The following HMGCS2 variants were observed in gnomAD, a reference collection of about 807,000 sequenced individuals.
The protein encoded by HMGCS2 is 3-hydroxy-3-methylglutaryl-CoA synthase 2, also known as hydroxymethylglutaryl-CoA synthase, mitochondrial.
Under a neutral mutation model 57.4 loss-of-function variants are expected in HMGCS2, and 50 were observed. The ratio of observed to expected loss-of-function variants is 0.87; its 90% confidence interval spans 0.69 to 1.10. The LOEUF is 1.10. Ranked by LOEUF, HMGCS2 falls within the 50% of genes least tolerant of loss-of-function variation. HMGCS2 has a pLI of 0.00. For synonymous variants in HMGCS2, 254 were observed against 245.1 expected (o/e 1.04, Z -0.34); for missense variants, 627 against 636.5 (o/e 0.99, Z 0.16).
intron 1 of HMGCS2, among the ~76,000 whole-genome samples, 174 bp from the exon 2 acceptor site, chr1:119,764,800 T>C (rs1286390926): frequency 6.6e-6 from 1 of 152,248 alleles, no homozygotes; most frequent in African/African-American, 2.4e-5. Flanking sequence ...TCTATACTTA[T>C]TAAATATCCC....
intron 1 of HMGCS2, among the ~76,000 whole-genome samples, chr1:119,764,836 A>G (rs1406200911): frequency 6.6e-6 from 1 of 152,172 alleles, no homozygotes; most frequent in African/African-American, 2.4e-5. Context: ...TATTCTTGGC[A>G]TAAAGTTTCC....
At chr1:119,752,779 G>A (rs1047319313) in intron 7 of HMGCS2, 105 bp from the exon 8 acceptor site, 71 of 1,294,308 alleles carry the variant, frequency 5.5e-5, no homozygotes, top group Non-Finnish European at 7.5e-5. Flanking sequence ...TTACACCCTG[G>A]AGGAACGTGT....
chr1:119,757,544 C>T, intron 4 of HMGCS2, 106 bp from the exon 5 acceptor site: 1 of 1,574,870 alleles, frequency 6.3e-7, no homozygotes. Flanking sequence ...TCCCAGGGAA[C>T]TACTTCCCAC....
chr1:119,764,618 G>A lies in HMGCS2; in HGVS notation c.113C>T (p.Thr38Ile), dbSNP rs1282393883. The change falls in exon 2 of 10, where the codon ACA becomes ATA. Residue 38 changes from threonine to isoleucine, a missense_variant. Thr to Ile is a moderately conservative substitution (Grantham distance 89, BLOSUM62 -1). Transcript: ENST00000369406. ...TTTGGCCAGGGGGACAGCAGAGGCT[G>A]TAGAAAACCTGTGATGGAGATAACA... ...LLPVAHQRFS[T>I]ASAVPLAKTD... 1.9e-6 allele frequency: 3 copies of A among 1,612,824 alleles called. No homozygotes were observed. Among genetic ancestry groups the A allele is most frequent in the South Asian group, 2.2e-5 (2 of 90,904 alleles).
Position 119,748,252 on chromosome 1 carries a change from AT to A in HMGCS2, c.*594del, listed in dbSNP as rs1652524162. The A allele has an allele frequency of 6.6e-6, 1 of 152,196 alleles. No homozygotes were observed. Among genetic ancestry groups the A allele is most frequent in the African/African-American group, 2.4e-5 (1 of 41,438 alleles). 9.4% of individuals were successfully genotyped at this position (152,196 alleles called of 1,614,324 possible). A position where few individuals can be genotyped will look rare whatever the true frequency, so the allele number is the denominator to read the frequency against. On this transcript the variant is annotated 3_prime_UTR_variant, in exon 10 of 10. Transcript: ENST00000369406. ...GCACTTGGCATGTGGCAGAAATAGAATGGAATTGCAAGGGGACAGAGGCAGC... is the reference window on the plus strand; with the variant it reads ...GCACTTGGCATGTGGCAGAAATAGAAGGAATTGCAAGGGGACAGAGGCAGC...
At chr1:119,757,247 C>T (rs1306591224) in intron 5 of HMGCS2, 26 bp downstream of exon 5, 1 of 1,613,940 alleles carries the variant, frequency 6.2e-7, no homozygotes, top group South Asian at 1.1e-5. Flanking sequence ...TCACCAGCCT[C>T]TAGGCTCCCC....
rs1484767754 is a variant in HMGCS2 at position 119,764,473 on chromosome 1, C to T, written c.258G>A (p.Val86=). Residue 86 remains valine, a synonymous_variant, in exon 2 of 10, where the codon GTG becomes GTA. Transcript: ENST00000369406. ...YNNVEAGKYT[V]GLGQTRMGFC... ...AGCCCATACGGGTCTGGCCCAAGCC[C>T]ACTGTATACTTTCCTGCTTCCACAT... 1.2e-6 allele frequency: 2 copies of T among 1,612,356 alleles called. No homozygotes were observed. Among genetic ancestry groups the T allele is most frequent in the Admixed American group, 1.7e-5 (1 of 59,962 alleles).
At position 119,759,924 on chromosome 1, in the gene HMGCS2, C is replaced by A; in HGVS notation, c.625G>T (p.Gly209Cys). ...AGCATAGCCACAGCTCCGGCCCCAC[C>A]TGTGGGACGAGCATTACCACTGGGA... ...VYPSGNARPT[G>C]GAGAVAMLIG... Residue 209 changes from glycine (G) to cysteine (C), a missense_variant, in exon 3 of 10, where the codon GGT (glycine) becomes TGT (cysteine). Coordinates refer to ENST00000369406, the MANE Select transcript of HMGCS2 (RefSeq NM_005518.4). 6.2e-7 allele frequency: 1 copy of A among 1,614,162 alleles called. No individual in the cohort carries two copies. The highest frequency in any genetic ancestry group is 8.5e-7 in the Non-Finnish European group (1 of 1,179,996).
intron 2 of HMGCS2, among the ~76,000 whole-genome samples, chr1:119,762,169 TA>T (rs1461181279): frequency 6.6e-6 from 1 of 152,204 alleles, no homozygotes; most frequent in Non-Finnish European, 1.5e-5. Context: ...CCATCAAGAA[TA>T]TTGTGGTTTT....
intron 4 of HMGCS2, among the ~76,000 whole-genome samples, chr1:119,758,687 A>T (rs989011361): frequency 5.9e-5 from 9 of 152,274 alleles, no homozygotes; most frequent in Non-Finnish European, 7.3e-5. Context: ...ATAACACTTC[A>T]GCATATAGAA....
At chr1:119,757,770 A>G (rs1652899359) in intron 4 of HMGCS2, among the ~76,000 whole-genome samples, 1 of 152,202 alleles carries the variant, frequency 6.6e-6, no homozygotes, top group Admixed American at 6.5e-5. Flanking sequence ...TCCAACTTTG[A>G]AAAGGCTGGC....
At chr1:119,754,644 A>C (rs763094788) in intron 6 of HMGCS2, among the ~76,000 whole-genome samples, 5 of 152,320 alleles carry the variant, frequency 3.3e-5, no homozygotes, top group African/African-American at 1.2e-4. Context: ...AGTAGAACAC[A>C]GGTATTGTGA....
In HMGCS2 at chr1:119,753,403, C is replaced by A. The variant is rs779849084; in HGVS notation, c.1188-17G>T. ...GCAGAGTGGCTGTGGGGAAAGAAATCAAATAAAACACACACACACACACAC... is the reference window on the plus strand; with the variant it reads ...GCAGAGTGGCTGTGGGGAAAGAAATAAAATAAAACACACACACACACACAC... On this transcript the variant is annotated splice_polypyrimidine_tract_variant and intron_variant, in intron 6 of 9. Transcript: ENST00000369406. The A allele has an allele frequency of 1.3e-5, 13 of 984,800 alleles. No individual in the cohort carries two copies. The highest frequency in any genetic ancestry group is 1.8e-5 in the Admixed American group (1 of 55,368). The allele number at this position is 984,800 out of a possible 1,614,324, so 61.0% of individuals were successfully genotyped here. A position where few individuals can be genotyped will look rare whatever the true frequency, so the allele number is the denominator to read the frequency against.
At chr1:119,759,045 C>T (rs1304730859) in intron 4 of HMGCS2, 73 bp downstream of exon 4, 11 of 1,420,198 alleles carry the variant, frequency 7.7e-6, no homozygotes, top group East Asian at 2.3e-5. Context: ...AAAAGACCAT[C>T]TCATGGCCTT....
At chr1:119,761,518 C>T (rs962764795) in intron 2 of HMGCS2, among the ~76,000 whole-genome samples, 27 of 152,054 alleles carry the variant, frequency 1.8e-4, no homozygotes, top group Non-Finnish European at 1.3e-4. Flanking sequence ...GTAATCCCAG[C>T]GATTGGGGAG....
chr1:119,750,053 T>C (rs1652598195), intron 9 of HMGCS2, among the ~76,000 whole-genome samples: 1 of 152,214 alleles, frequency 6.6e-6, no homozygotes, highest in African/African-American at 2.4e-5. Context: ...CACCTTGCTC[T>C]CTTCTCCCTA....
At chr1:119,749,985 C>T (rs1652596764) in intron 9 of HMGCS2, among the ~76,000 whole-genome samples, 1 of 152,156 alleles carries the variant, frequency 6.6e-6, no homozygotes, top group Non-Finnish European at 1.5e-5. Context: ...TGTTTGCTTT[C>T]CTTTAAAAAC....
intron 2 of HMGCS2, among the ~76,000 whole-genome samples, chr1:119,760,643 C>T (rs1332636258): frequency 6.6e-6 from 1 of 152,164 alleles, no homozygotes; most frequent in African/African-American, 2.4e-5. Flanking sequence ...GATAATCAGA[C>T]TAGTATTCAA....
At chr1:119,750,738 T>G (rs1652626618) in intron 9 of HMGCS2, 59 bp downstream of exon 9, 1 of 1,066,374 alleles carries the variant, frequency 9.4e-7, no homozygotes, top group South Asian at 1.3e-5. Flanking sequence ...CTCTCTGTGT[T>G]GTTACTCAGA....
Sources: allele counts gnomAD v4.1 joint callset (sites outside exome capture counted in the v4.1 genomes callset), GRCh38; gene constraint gnomAD v4.1.1; transcripts MANE v1.5; gene names NCBI Gene and HGNC (gene_info 2026-07-23, HGNC 2026-07-21).